The following MCF2L variants were observed in gnomAD, a reference collection of about 807,000 sequenced individuals.
MCF2L encodes the protein guanine nucleotide exchange factor DBS.
MCF2L carries 97 observed loss-of-function variants against 153.4 expected under a neutral mutation model. The observed-to-expected ratio is 0.63, with a 90% CI of 0.54 to 0.75. The LOEUF is 0.75. MCF2L is among the 30% of genes least tolerant of loss of function. The pLI is 0.00. For missense variants in MCF2L, 1,347 were observed against 1,495.2 expected, an observed-to-expected ratio of 0.90 and a Z score of 1.64; for synonymous variants, 659 against 632.2, an observed-to-expected ratio of 1.04 and a Z score of -0.64.
Position 113,028,328 on chromosome 13 carries a change from C to A in MCF2L, c.278+3570C>A, listed in dbSNP as rs528053241. ...ATCAAGGCCATAAGAGTGTGGTAGG[C>A]GGCACGTGTTCATGTGTGCACGCCT... On this transcript the variant is annotated intron_variant, in intron 3 of 29. Transcript: ENST00000535094. The surrounding 1 kb of genome is among the most constrained non-coding windows in gnomAD (Gnocchi z 5.4). 7.9e-5 allele frequency among the ~76,000 whole-genome samples: 12 copies of A among 152,276 alleles called. No homozygotes were observed. The South Asian group carries it at 2.5e-3, about 32-fold the overall frequency.
intron 1 of MCF2L, among the ~76,000 whole-genome samples, chr13:112,895,348 G>A (rs549626875): frequency 1.6e-4 from 24 of 152,318 alleles, no homozygotes; most frequent in Non-Finnish European, 2.6e-4. Context: ...CGGCATGGCT[G>A]TAGGAGGCCC....
intron 4 of MCF2L, among the ~76,000 whole-genome samples, chr13:113,058,007 TG>T (rs2030529303): frequency 6.7e-6 from 1 of 149,062 alleles, no homozygotes. Flanking sequence ...GTTTGGGCTC[TG>T]AGTGTTTGGA....
At chr13:113,037,091 G>A (rs1489836839) in intron 3 of MCF2L, among the ~76,000 whole-genome samples, 1 of 152,212 alleles carries the variant, frequency 6.6e-6, no homozygotes, top group East Asian at 1.9e-4. Context: ...GGCTGGGGGA[G>A]GTGCAAGCGT....
Position 112,947,501 on chromosome 13 carries a change from A to G in MCF2L, c.169+45130A>G, listed in dbSNP as rs548123357. The stretch of plus-strand genomic sequence containing the variant: ...ACAAGTTCTGTGCTTCCACAGTACA[A>G]TGGTGGGACAGGCATAGGACAGACA... On this transcript the variant is annotated intron_variant, in intron 2 of 29. Coordinates refer to the MCF2L transcript ENST00000375608. Among the ~76,000 whole-genome samples the G allele has an allele frequency of 5.3e-4, 81 of 152,348 alleles. 1 individual carries two copies. Among genetic ancestry groups the G allele is most frequent in the African/African-American group, 1.7e-3 (69 of 41,584 alleles).
At chr13:112,987,103 A>T (rs188098263) in intron 1 of MCF2L, among the ~76,000 whole-genome samples, 5 of 151,800 alleles carry the variant, frequency 3.3e-5, no homozygotes, top group African/African-American at 9.7e-5. Context: ...CACCCGGTGA[A>T]CTCACTCAGT....
At chr13:113,017,490 A>G (rs1172090096) in intron 2 of MCF2L, among the ~76,000 whole-genome samples, 1 of 152,198 alleles carries the variant, frequency 6.6e-6, no homozygotes, top group African/African-American at 2.4e-5. Flanking sequence ...CACCCTGAAA[A>G]CTTTGTTACC....
chr13:113,060,482 C>T lies in MCF2L; in HGVS notation c.370-111C>T, dbSNP rs572968917. ...GCATAAACCTGCTGCGTTGAGGATG[C>T]CTGGCCGCTAGCTGCGCGCCCCCGG... is the stretch of plus-strand genomic sequence containing the variant. On this transcript the variant is annotated intron_variant, in intron 4 of 29. Coordinates refer to ENST00000535094, the MANE Select transcript of MCF2L (RefSeq NM_001112732.3). 1.8e-4 allele frequency: 233 copies of T among 1,326,036 alleles called. 3 individuals carry two copies. The South Asian group carries it at 3.1e-3, about 17-fold the overall frequency. 82.1% of individuals were successfully genotyped at this position (1,326,036 alleles called of 1,614,324 possible).
At chr13:112,991,163 T>C (rs2082881150) in intron 1 of MCF2L, among the ~76,000 whole-genome samples, 1 of 152,230 alleles carries the variant, frequency 6.6e-6, no homozygotes, top group Admixed American at 6.5e-5. Flanking sequence ...GCCACAGCAC[T>C]GCCCTCACTG....
intron 1 of MCF2L, among the ~76,000 whole-genome samples, chr13:113,012,404 A>G (rs1367159354): frequency 1.3e-5 from 1 of 78,874 alleles, no homozygotes. Flanking sequence ...GGACACTGTG[A>G]TGCGGACGGT....
intron 2 of MCF2L, among the ~76,000 whole-genome samples, chr13:112,927,481 TG>T (rs1763768413): frequency 6.6e-6 from 1 of 152,116 alleles, no homozygotes; most frequent in Non-Finnish European, 1.5e-5. Context: ...TGACCGGGTC[TG>T]GGGAAAAATG....
At chr13:113,083,619 G>T (rs904256048) in intron 17 of MCF2L, among the ~76,000 whole-genome samples, 1 of 152,210 alleles carries the variant, frequency 6.6e-6, no homozygotes, top group Non-Finnish European at 1.5e-5. Context: ...TAGGGCCAGG[G>T]CTCAGGGTGT....
At position 113,064,638 on chromosome 13, in the gene MCF2L, CAAA is replaced by C. The variant is rs76349176; in HGVS notation, c.606+232_606+234del. ...AGTGGCTTTCTCTGGGCTTGGAGAC[CAAA>C]AAAAAAAAAAAAACCCTTGCGTTGT... On this transcript the variant is annotated intron_variant, in intron 6 of 29. Transcript: ENST00000535094. This position sits in a 1 kb window ranked among gnomAD's most constrained non-coding sequence, Gnocchi z 6.0. The C allele has an allele frequency of 4.9e-3, 2,248 of 457,876 alleles. No homozygotes were observed. Among genetic ancestry groups the C allele is most frequent in the South Asian group, 6.8e-3 (244 of 36,040 alleles). 28.4% of individuals were successfully genotyped at this position (457,876 alleles called of 1,614,324 possible).
chr13:113,032,061 T>C (rs138378768), intron 3 of MCF2L, among the ~76,000 whole-genome samples: 35 of 152,264 alleles, frequency 2.3e-4, no homozygotes, highest in South Asian at 6.2e-4. Flanking sequence ...GGAGGGTGCA[T>C]GTGGGACGCA....
intron 1 of MCF2L, among the ~76,000 whole-genome samples, chr13:113,005,991 C>A (rs1201530803): frequency 6.6e-6 from 1 of 152,224 alleles, no homozygotes; most frequent in Non-Finnish European, 1.5e-5. Context: ...TAGCGAAAAT[C>A]ATCGGACTCG....
At position 113,088,422 on chromosome 13, in the gene MCF2L, G is replaced by A. The variant is rs1381829459; in HGVS notation, c.2767+17G>A. 3.1e-6 allele frequency: 5 copies of A among 1,613,642 alleles called. No individual in the cohort carries two copies. Among genetic ancestry groups the A allele is most frequent in the Non-Finnish European group, 4.2e-6 (5 of 1,179,908 alleles). ...CTTGTAGAGGTGAGGCTGTCTTCAAGCGATCGTTTCCCGTAGCTTCCGCTC... is the reference window on the plus strand; with the variant it reads ...CTTGTAGAGGTGAGGCTGTCTTCAAACGATCGTTTCCCGTAGCTTCCGCTC... On this transcript the variant is annotated intron_variant, in intron 24 of 29. Transcript: ENST00000535094.
intron 1 of MCF2L, among the ~76,000 whole-genome samples, chr13:112,897,379 C>T (rs367695492): frequency 7.9e-5 from 12 of 152,246 alleles, no homozygotes; most frequent in African/African-American, 2.6e-4. Context: ...GCCGGCTCTG[C>T]GGGGTTCACA....
intron 3 of MCF2L, chr13:113,026,871 G>T (rs781332277): frequency 1.4e-6 from 1 of 739,422 alleles, no homozygotes; most frequent in Non-Finnish European, 2.5e-6. Context: ...CTCCCCAGCG[G>T]CGGGCAGGAG....
At chr13:112,908,103 T>C (rs1179680256) in intron 2 of MCF2L, among the ~76,000 whole-genome samples, 3 of 152,170 alleles carry the variant, frequency 2.0e-5, no homozygotes, top group Non-Finnish European at 2.9e-5. Flanking sequence ...CTCCAGACAT[T>C]TGGGAACGAG....
rs951517705 is a variant in MCF2L at position 112,969,235 on chromosome 13, G to A, written c.-145G>A. Reference sequence around the variant, plus strand: ...TGGCGCGGAACCAATCCTGGGCAGGGAGGCGGCGGCTGGAGGCTGAAAGCG... The same window carrying A: ...TGGCGCGGAACCAATCCTGGGCAGGAAGGCGGCGGCTGGAGGCTGAAAGCG... On this transcript the variant is annotated 5_prime_UTR_variant, in exon 1 of 30. Coordinates refer to ENST00000535094, the MANE Select transcript of MCF2L (RefSeq NM_001112732.3). This position sits in a 1 kb window ranked among gnomAD's most constrained non-coding sequence, Gnocchi z 4.8. The A allele has an allele frequency of 1.5e-6, 2 of 1,352,336 alleles. No individual in the cohort carries two copies. The highest frequency in any genetic ancestry group is 3.6e-5 in the South Asian group (2 of 55,874). 83.8% of individuals were successfully genotyped at this position (1,352,336 alleles called of 1,614,324 possible). A position where few individuals can be genotyped will look rare whatever the true frequency, so the allele number is the denominator to read the frequency against.
Sources: allele counts gnomAD v4.1 joint callset (sites outside exome capture counted in the v4.1 genomes callset), GRCh38; gene constraint gnomAD v4.1.1; non-coding constraint Gnocchi (gnomAD v3.1); transcripts MANE v1.5; gene names NCBI Gene and HGNC (gene_info 2026-07-23, HGNC 2026-07-21).